Variants in PRKD1 observed in about 807,000 individuals in gnomAD.
The protein encoded by PRKD1 is serine/threonine-protein kinase D1.
A neutral mutation model predicts 95.9 loss-of-function variants in PRKD1; 63 were observed. The observed-to-expected ratio is 0.66, with a 90% confidence interval of 0.54 to 0.81. The LOEUF (loss-of-function observed/expected upper bound fraction) is 0.81, where lower values mean the gene tolerates loss of function less well. Among genes scored for constraint, PRKD1 ranks in the 30% least tolerant of loss-of-function variants. PRKD1 has a pLI of 0.00. For missense variants in PRKD1, 1,048 were observed against 1,165.3 expected (o/e 0.90, Z 1.47); for synonymous variants, 425 against 423.1 (o/e 1.00, Z -0.05).
chr14:29,675,886 C>G (rs1423466989), intron 2 of PRKD1, among the ~76,000 whole-genome samples: 6 of 149,806 alleles, frequency 4.0e-5, no homozygotes, highest in African/African-American at 1.5e-4. Flanking sequence ...AGGACAAAAA[C>G]ACAAACACCG....
chr14:29,868,278 G>A (rs1892980788), intron 1 of PRKD1, among the ~76,000 whole-genome samples: 1 of 152,186 alleles, frequency 6.6e-6, no homozygotes, highest in South Asian at 2.1e-4. Flanking sequence ...AATCACTATA[G>A]GAACTGCTTG....
intron 1 of PRKD1, among the ~76,000 whole-genome samples, chr14:29,729,602 C>A (rs1303882516): frequency 6.6e-6 from 1 of 151,960 alleles, no homozygotes; most frequent in Non-Finnish European, 1.5e-5. Flanking sequence ...AATGAACCAG[C>A]AGTTGTTTCA....
intron 13 of PRKD1, among the ~76,000 whole-genome samples, chr14:29,621,316 C>T (rs1441346602): frequency 4.6e-5 from 7 of 151,732 alleles, no homozygotes; most frequent in African/African-American, 7.3e-5. Flanking sequence ...ACATTATGCA[C>T]GTGTACCCTA....
chr14:29,589,787 G>T (rs1893063732), intron 16 of PRKD1, among the ~76,000 whole-genome samples: 2 of 151,852 alleles, frequency 1.3e-5, no homozygotes, highest in African/African-American at 4.8e-5. Flanking sequence ...CCTGATAAAA[G>T]ATCTAAATCA....
intron 2 of PRKD1, among the ~76,000 whole-genome samples, chr14:29,672,179 A>G (rs1421600399): frequency 6.6e-6 from 1 of 150,876 alleles, no homozygotes; most frequent in Non-Finnish European, 1.5e-5. Context: ...TGTCTCCACT[A>G]AAAATACAAA....
intron 6 of PRKD1, among the ~76,000 whole-genome samples, chr14:29,637,024 T>C (rs1226061715): frequency 1.3e-5 from 2 of 152,186 alleles, no homozygotes; most frequent in Non-Finnish European, 2.9e-5. Flanking sequence ...TTTTCCGTTT[T>C]CCCAAGCCTG....
intron 13 of PRKD1, among the ~76,000 whole-genome samples, chr14:29,614,964 G>A (rs1485189571): frequency 1.3e-5 from 2 of 148,940 alleles, no homozygotes; most frequent in Admixed American, 6.8e-5. Context: ...TGCCCGCCTC[G>A]GCCTCCCAAA....
At chr14:29,804,737 A>T (rs1183726555) in intron 1 of PRKD1, among the ~76,000 whole-genome samples, 1 of 152,154 alleles carries the variant, frequency 6.6e-6, no homozygotes, top group Non-Finnish European at 1.5e-5. Context: ...CATTATTGCT[A>T]TTTATCTGAA....
At chr14:29,578,981 A>C (rs908100487) in intron 16 of PRKD1, among the ~76,000 whole-genome samples, 1 of 152,122 alleles carries the variant, frequency 6.6e-6, no homozygotes, top group African/African-American at 2.4e-5. Context: ...GAATTATATC[A>C]GCCTTCATAG....
chr14:29,918,865 G>C (rs554757557), intron 1 of PRKD1, among the ~76,000 whole-genome samples: 3 of 152,290 alleles, frequency 2.0e-5, no homozygotes, highest in Admixed American at 6.5e-5. Context: ...CTAACTGTAA[G>C]AACACTGAGT....
intron 13 of PRKD1, among the ~76,000 whole-genome samples, chr14:29,622,367 C>CCCTTCCTTCCTTCCTTCCTT (rs10522763): frequency 0.02 from 2,905 of 144,920 alleles, 65 homozygotes; most frequent in African/African-American, 0.051. Flanking sequence ...GTATTTTTCT[C>CCCTTCCTTCCTTCCTTCCTT]CCTTCCTTCC....
chr14:29,679,081 A>G (rs562895117), intron 2 of PRKD1, among the ~76,000 whole-genome samples: 7 of 152,346 alleles, frequency 4.6e-5, no homozygotes, highest in Non-Finnish European at 8.8e-5. Context: ...AAAAAGTATA[A>G]AACTCTGAAA....
intron 1 of PRKD1, among the ~76,000 whole-genome samples, chr14:29,864,301 C>T (rs143057772): frequency 6.6e-6 from 1 of 152,126 alleles, no homozygotes; most frequent in Non-Finnish European, 1.5e-5. Context: ...CTACAAAGAG[C>T]CTGCACTTAA....
chr14:29,845,028 A>C (rs1047412919), intron 1 of PRKD1, among the ~76,000 whole-genome samples: 48 of 152,208 alleles, frequency 3.2e-4, no homozygotes, highest in Non-Finnish European at 1.3e-4. Flanking sequence ...CAGCATGCCA[A>C]TCTAACTTGT....
At chr14:29,849,618 G>T (rs1271083220) in intron 1 of PRKD1, among the ~76,000 whole-genome samples, 2 of 150,170 alleles carry the variant, frequency 1.3e-5, no homozygotes, top group Non-Finnish European at 3.0e-5. Flanking sequence ...TAAACAGATG[G>T]ATTAACAGCC....
At chr14:29,670,697 C>A (rs796827382) in intron 2 of PRKD1, among the ~76,000 whole-genome samples, 1 of 152,130 alleles carries the variant, frequency 6.6e-6, no homozygotes, top group Non-Finnish European at 1.5e-5. Flanking sequence ...TTCTCCCTCC[C>A]CATCACCCAA....
At chr14:29,655,800 T>A (rs532630844) in intron 4 of PRKD1, among the ~76,000 whole-genome samples, 5 of 152,076 alleles carry the variant, frequency 3.3e-5, no homozygotes, top group South Asian at 2.1e-4. Flanking sequence ...ATACCATTTT[T>A]AAAAAATAAT....
chr14:29,806,122 G>T (rs571669249), intron 1 of PRKD1, among the ~76,000 whole-genome samples: 72 of 152,260 alleles, frequency 4.7e-4, no homozygotes, highest in Admixed American at 1.1e-3. Flanking sequence ...TCAACCACTG[G>T]AGGACACAAA....
At chr14:29,710,668 T>C (rs561802518) in intron 2 of PRKD1, among the ~76,000 whole-genome samples, 53 of 152,194 alleles carry the variant, frequency 3.5e-4, no homozygotes, top group African/African-American at 1.1e-3. Context: ...ATGAAAAAGA[T>C]TGGTAAGTTC....
Sources: allele counts gnomAD v4.1 joint callset (sites outside exome capture counted in the v4.1 genomes callset), GRCh38; gene constraint gnomAD v4.1.1; transcripts MANE v1.5; gene names NCBI Gene and HGNC (gene_info 2026-07-23, HGNC 2026-07-21).